Variants in KLF12 observed in about 807,000 individuals in gnomAD.
KLF12 encodes the protein KLF transcription factor 12.
A neutral mutation model predicts 37.8 loss-of-function variants in KLF12; 9 were observed. The observed-to-expected ratio is 0.24, with a 90% CI of 0.14 to 0.42. The LOEUF (loss-of-function observed/expected upper bound fraction) is 0.42. Among genes scored for constraint, KLF12 ranks in the 10% least tolerant of loss-of-function variants. The pLI, the probability that KLF12 is intolerant of heterozygous loss-of-function variation, is 1.00. For missense variants in KLF12, 411 were observed against 516.0 expected (o/e 0.80, Z 1.97); for synonymous variants, 208 against 202.1 (o/e 1.03, Z -0.25).
At chr13:74,279,452 AT>A in the KLF12 span, among the ~76,000 whole-genome samples, 8 of 150,182 alleles carry the variant, frequency 5.3e-5, no homozygotes, top group Non-Finnish European at 8.9e-5. Flanking sequence ...GGTAAGAAAA[AT>A]TTTTTTTTTC....
the KLF12 span, among the ~76,000 whole-genome samples, chr13:74,167,134 G>A: frequency 1.1e-4 from 17 of 152,182 alleles, no homozygotes; most frequent in African/African-American, 3.6e-4. Context: ...CTTTGACTCT[G>A]TATCTTGTTT....
chr13:74,273,690 G>A, the KLF12 span, among the ~76,000 whole-genome samples: 1 of 152,104 alleles, frequency 6.6e-6, no homozygotes, highest in South Asian at 2.1e-4. Flanking sequence ...CTGAGAAGTG[G>A]ACTTGGAATA....
At chr13:74,066,906 A>G (rs1873952720) in intron 1 of KLF12, among the ~76,000 whole-genome samples, 2 of 152,198 alleles carry the variant, frequency 1.3e-5, no homozygotes, top group African/African-American at 4.8e-5. Flanking sequence ...CAAATAAACA[A>G]TAGGTACTTT....
intron 1 of KLF12, among the ~76,000 whole-genome samples, chr13:74,034,639 G>T (rs571635878): frequency 6.6e-6 from 1 of 152,152 alleles, no homozygotes; most frequent in Non-Finnish European, 1.5e-5. Context: ...GATTTACAAA[G>T]ATATTCACTT....
At chr13:73,824,715 T>C (rs967756022) in intron 4 of KLF12, among the ~76,000 whole-genome samples, 1 of 152,206 alleles carries the variant, frequency 6.6e-6, no homozygotes, top group African/African-American at 2.4e-5. Context: ...TTCTGTTTGG[T>C]ATGCTTTTAT....
At chr13:73,992,350 C>T (rs544686849) in intron 2 of KLF12, among the ~76,000 whole-genome samples, 5 of 152,206 alleles carry the variant, frequency 3.3e-5, no homozygotes, top group East Asian at 1.9e-4. Context: ...ATTTATTTGT[C>T]GTTTTCTAAA....
chr13:74,260,586 A>ATAAGATAAGATAAGATAAGATAAGATAAG, the KLF12 span, among the ~76,000 whole-genome samples: 1 of 107,956 alleles, frequency 9.3e-6, no homozygotes, highest in African/African-American at 6.9e-5. Flanking sequence ...AATAAAATAA[A>ATAAGATAAGATAAGATAAGATAAGATAAG]ATAAAATAAA....
intron 3 of KLF12, among the ~76,000 whole-genome samples, chr13:73,939,690 G>C (rs1411597264): frequency 1.3e-5 from 2 of 152,130 alleles, no homozygotes; most frequent in Admixed American, 6.5e-5. Context: ...ACCAAAGGCA[G>C]GCAGGCTCCT....
At chr13:73,823,091 C>A (rs1883622968) in intron 4 of KLF12, among the ~76,000 whole-genome samples, 1 of 152,186 alleles carries the variant, frequency 6.6e-6, no homozygotes, top group South Asian at 2.1e-4. Flanking sequence ...AGGCATTAAT[C>A]CATGGCCATT....
At chr13:74,186,232 T>C in the KLF12 span, among the ~76,000 whole-genome samples, 9 of 152,308 alleles carry the variant, frequency 5.9e-5, no homozygotes, top group South Asian at 1.4e-3. Context: ...TGTAATACTT[T>C]GATATTAGCA....
chr13:73,825,363 A>C (rs1255696728), intron 4 of KLF12, among the ~76,000 whole-genome samples: 1 of 152,174 alleles, frequency 6.6e-6, no homozygotes, highest in Non-Finnish European at 1.5e-5. Flanking sequence ...ACTCTTGAAG[A>C]ACAAGATCAA....
At chr13:74,177,888 A>G in the KLF12 span, among the ~76,000 whole-genome samples, 1 of 152,218 alleles carries the variant, frequency 6.6e-6, no homozygotes, top group East Asian at 1.9e-4. Flanking sequence ...TTACATCACC[A>G]AATGTTAAGA....
intron 1 of KLF12, among the ~76,000 whole-genome samples, chr13:74,034,138 C>T (rs747874390): frequency 2.0e-5 from 3 of 152,210 alleles, no homozygotes; most frequent in Non-Finnish European, 2.9e-5. Flanking sequence ...TCTCAGCTCA[C>T]TGCAACCTCT....
At chr13:73,738,576 T>C (rs1877704998) in intron 6 of KLF12, among the ~76,000 whole-genome samples, 1 of 152,202 alleles carries the variant, frequency 6.6e-6, no homozygotes, top group African/African-American at 2.4e-5. Context: ...ATATGTATTA[T>C]GTTTGGGGAA....
At chr13:73,915,821 G>A (rs770077464) in intron 3 of KLF12, among the ~76,000 whole-genome samples, 32 of 151,144 alleles carry the variant, frequency 2.1e-4, no homozygotes, top group Middle Eastern at 3.5e-3. Context: ...CGTGAGCCAC[G>A]GCGCCTGGCC....
chr13:74,048,360 G>T (rs1035808917), intron 1 of KLF12, among the ~76,000 whole-genome samples: 25 of 152,080 alleles, frequency 1.6e-4, no homozygotes, highest in African/African-American at 5.3e-4. Context: ...CTGGGTTTCT[G>T]TAACTTCCAA....
intron 1 of KLF12, among the ~76,000 whole-genome samples, chr13:74,106,736 G>C (rs923993088): frequency 6.6e-6 from 1 of 152,120 alleles, no homozygotes; most frequent in African/African-American, 2.4e-5. Flanking sequence ...CACAACTATT[G>C]TTAGGTATTT....
chr13:74,217,863 G>C, the KLF12 span, among the ~76,000 whole-genome samples: 1 of 152,174 alleles, frequency 6.6e-6, no homozygotes, highest in Non-Finnish European at 1.5e-5. Context: ...GAGATGACTT[G>C]TTTAGAATTT....
intron 1 of KLF12, among the ~76,000 whole-genome samples, chr13:74,061,093 A>G (rs1873566656): frequency 6.6e-6 from 1 of 152,236 alleles, no homozygotes; most frequent in Non-Finnish European, 1.5e-5. Context: ...CAATAAAGTA[A>G]CATTCATCAT....
Sources: gnomAD v4.1 joint callset for allele counts (sites outside exome capture counted in the v4.1 genomes callset) on GRCh38, gnomAD v4.1.1 for gene constraint, MANE v1.5 for transcripts, NCBI Gene and HGNC (gene_info 2026-07-23, HGNC 2026-07-21) for gene names.